Variants in JAKMIP1 observed in about 807,000 individuals in gnomAD.
The protein encoded by JAKMIP1 is janus kinase and microtubule-interacting protein 1.
Under a neutral mutation model 113.0 loss-of-function variants are expected in JAKMIP1, and 33 were observed. That is an observed-to-expected ratio of 0.29 (90% CI 0.22 to 0.39). The LOEUF is 0.39. Ranked by LOEUF, JAKMIP1 falls within the 10% of genes least tolerant of loss-of-function variation. The pLI is 1.00. For synonymous variants in JAKMIP1, 480 were observed against 459.9 expected (o/e 1.04, Z -0.56); for missense variants, 813 against 1,080.5 (o/e 0.75, Z 3.47).
At position 6,042,862 on chromosome 4, in the gene JAKMIP1, G is replaced by C. The variant is rs1714509619; in HGVS notation, c.2029-635C>G. Among the ~76,000 whole-genome samples the C allele has an allele frequency of 6.6e-6, 1 of 152,066 alleles. No individual in the cohort carries two copies. The highest frequency in any genetic ancestry group is 1.5e-5 in the Non-Finnish European group (1 of 68,012). ...GAGCATGAAAGCAGGGTTCATGCCA[G>C]GACATGAGGGCGCAGGCACGGAGAG... On this transcript the variant is annotated intron_variant, in intron 16 of 20. Coordinates refer to ENST00000409021, the MANE Select transcript of JAKMIP1 (RefSeq NM_001099433.2). The surrounding 1 kb of genome is among the most constrained non-coding windows in gnomAD (Gnocchi z 5.2).
In JAKMIP1 at chr4:6,042,555, G is replaced by A. The variant is rs529962516; in HGVS notation, c.2029-328C>T. Among the ~76,000 whole-genome samples the A allele has an allele frequency of 2.6e-5, 4 of 152,186 alleles. No homozygotes were observed. The East Asian group carries it at 5.8e-4, about 22-fold the overall frequency. On this transcript the variant is annotated intron_variant, in intron 16 of 20. Transcript: ENST00000409021. This position sits in a 1 kb window ranked among gnomAD's most constrained non-coding sequence, Gnocchi z 5.2. ...TGTGGTATAGCTGATGTCAATGAGT[G>A]CCTGCTCTGTGCTGATGCTTCACAC...
intron 1 of JAKMIP1, among the ~76,000 whole-genome samples, chr4:6,127,704 C>T (rs1011184018): frequency 5.9e-5 from 9 of 152,340 alleles, no homozygotes; most frequent in African/African-American, 1.9e-4. Context: ...GTGGGATTCC[C>T]TCCTTGATCC....
rs1272092445 is a variant in JAKMIP1, at chr4:6,142,193, A to C, written c.-147-29196T>G. On this transcript the variant is annotated intron_variant, in intron 1 of 20. Coordinates refer to ENST00000409021, the MANE Select transcript of JAKMIP1 (RefSeq NM_001099433.2). This position sits in a 1 kb window ranked among gnomAD's most constrained non-coding sequence, Gnocchi z 5.5. ...TCCTACCTCATTCCATCCTGGATTT[A>C]GGGACACTTTGGTTATTTCTGAGGA... is the stretch of plus-strand genomic sequence containing the variant. Among the ~76,000 whole-genome samples, 7 of 152,206 alleles carry C rather than the reference A, an allele frequency of 4.6e-5. No individual in the cohort carries two copies. The highest frequency in any genetic ancestry group is 2.9e-5 in the Non-Finnish European group (2 of 68,032).
Position 6,040,549 on chromosome 4 carries a change from G to A in JAKMIP1, c.2175+90C>T, listed in dbSNP as rs1323772766. ...TCACTCCTGTTTGGCACTGGGGAGC[G>A]CCCTAAATGCAGTTTCAGCCCCAGA... On this transcript the variant is annotated intron_variant, in intron 18 of 20. Coordinates refer to ENST00000409021, the MANE Select transcript of JAKMIP1 (RefSeq NM_001099433.2). The surrounding 1 kb of genome is among the most constrained non-coding windows in gnomAD (Gnocchi z 5.8). 7.0e-5 allele frequency: 60 copies of A among 855,296 alleles called. No individual in the cohort carries two copies. Among genetic ancestry groups the A allele is most frequent in the South Asian group, 4.9e-4 (35 of 70,744 alleles). 53.0% of individuals were successfully genotyped at this position (855,296 alleles called of 1,614,324 possible).
intron 1 of JAKMIP1, among the ~76,000 whole-genome samples, chr4:6,171,876 C>CA (rs1724773487): frequency 6.6e-6 from 1 of 152,232 alleles, no homozygotes; most frequent in Non-Finnish European, 1.5e-5. Context: ...TAAGTGGGGA[C>CA]AATGCCTGTT....
At chr4:6,027,293 T>C (rs1711981974) in intron 20 of JAKMIP1, among the ~76,000 whole-genome samples, 1 of 152,180 alleles carries the variant, frequency 6.6e-6, no homozygotes. Context: ...ATATTATTTA[T>C]TGGAAAAGTC....
At chr4:6,159,309 A>T (rs889470977) in intron 1 of JAKMIP1, among the ~76,000 whole-genome samples, 5 of 151,888 alleles carry the variant, frequency 3.3e-5, no homozygotes, top group Non-Finnish European at 5.9e-5. Flanking sequence ...ATACTTAAAG[A>T]CTCTGGAGGA....
At chr4:6,113,852 C>A (rs937343756) in intron 1 of JAKMIP1, among the ~76,000 whole-genome samples, 1 of 152,224 alleles carries the variant, frequency 6.6e-6, no homozygotes, top group South Asian at 2.1e-4. Context: ...GCCTGCTCTG[C>A]GCCTGCTGTG....
chr4:6,132,654 A>T (rs78499852), intron 1 of JAKMIP1, among the ~76,000 whole-genome samples: 2 of 151,048 alleles, frequency 1.3e-5, no homozygotes, highest in Non-Finnish European at 2.9e-5. Context: ...AAATAAAAAA[A>T]AAAAAAAAGA....
rs978582505 is a variant in JAKMIP1 at position 6,061,598 on chromosome 4, A to G, written c.1560+714T>C. On this transcript the variant is annotated intron_variant, in intron 10 of 20. Transcript: ENST00000409021. The surrounding 1 kb of genome is among the most constrained non-coding windows in gnomAD (Gnocchi z 5.3). ...CAGCTCTGTTCAGCATCATCTGGGT[A>G]TTTGGGGGCAAGTTGCTCAGTTCTG... Among the ~76,000 whole-genome samples, 1 of 151,138 alleles carries G rather than the reference A, an allele frequency of 6.6e-6. No homozygotes were observed. The highest frequency in any genetic ancestry group is 1.5e-5 in the Non-Finnish European group (1 of 67,814).
At chr4:6,074,695 T>C (rs907940018) in intron 8 of JAKMIP1, among the ~76,000 whole-genome samples, 3 of 152,206 alleles carry the variant, frequency 2.0e-5, no homozygotes, top group Admixed American at 6.5e-5. Context: ...TCGTACCTAA[T>C]ACAGTGCAGA....
intron 11 of JAKMIP1, among the ~76,000 whole-genome samples, chr4:6,060,165 T>A (rs974883374): frequency 3.9e-5 from 6 of 152,236 alleles, no homozygotes; most frequent in African/African-American, 1.4e-4. Context: ...AATTACCTCT[T>A]TTTTGTGCAT....
chr4:6,105,340 A>G, intron 3 of JAKMIP1, 133 bp downstream of exon 3: 1 of 737,704 alleles, frequency 1.4e-6, no homozygotes, highest in South Asian at 1.9e-5. Context: ...CTAAGACGGG[A>G]GGGAGGTTGC....
rs1713815385 is a variant in JAKMIP1 at position 6,105,708 on chromosome 4, G to T, written c.389C>A (p.Thr130Lys). Residue 130 changes from threonine (T) to lysine (K), a missense_variant, in exon 3 of 21, where the codon ACG becomes AAG. By Grantham distance (78) the Thr-to-Lys change is moderately conservative. This residue lies in a region of JAKMIP1 where 540 missense variants were observed against 653.9 expected (regional missense o/e 0.83). Coordinates refer to ENST00000409021, the MANE Select transcript of JAKMIP1 (RefSeq NM_001099433.2). ...LRDGAADKVK[T>K]ALLTEAREEA... ...CTCGCGCGCCTCGGTCAGCAGCGCC[G>T]TCTTGACCTTGTCGGCCGCGCCGTC... is the stretch of plus-strand genomic sequence containing the variant. The T allele has an allele frequency of 1.2e-6, 2 of 1,602,442 alleles. No homozygotes were observed. The highest frequency in any genetic ancestry group is 1.3e-5 in the African/African-American group (1 of 74,804).
At chr4:6,145,911 C>T (rs141063010) in intron 1 of JAKMIP1, among the ~76,000 whole-genome samples, 58 of 152,206 alleles carry the variant, frequency 3.8e-4, no homozygotes, top group Admixed American at 2.0e-3. Context: ...TTAATGTAAC[C>T]ACCTCTTTAC....
intron 9 of JAKMIP1, among the ~76,000 whole-genome samples, chr4:6,063,682 C>T (rs563039338): frequency 4.6e-5 from 7 of 152,180 alleles, no homozygotes; most frequent in Non-Finnish European, 1.0e-4. Flanking sequence ...AATGTGCCAG[C>T]GCCTATAGCA....
intron 5 of JAKMIP1, among the ~76,000 whole-genome samples, 184 bp downstream of exon 5, chr4:6,084,662 C>A (rs1387307814): frequency 1.3e-5 from 2 of 152,134 alleles, no homozygotes; most frequent in African/African-American, 4.8e-5. Flanking sequence ...CCTACAAAAA[C>A]AAATGGCAGT....
intron 19 of JAKMIP1, among the ~76,000 whole-genome samples, chr4:6,030,408 C>A (rs555757343): frequency 2.0e-5 from 3 of 152,302 alleles, no homozygotes; most frequent in South Asian, 2.1e-4. Context: ...ACCCCTCAGT[C>A]CTGGGCAAAC....
In JAKMIP1 at chr4:6,137,931, G is replaced by A. The variant is rs1719490290; in HGVS notation, c.-147-24934C>T. ...GACAAGGTGTGCTCTGGCGTTGGGG[G>A]TCCCACCATGGCCTTCTCCTTCCTG... On this transcript the variant is annotated intron_variant, in intron 1 of 20. Coordinates refer to ENST00000409021, the MANE Select transcript of JAKMIP1 (RefSeq NM_001099433.2). The surrounding 1 kb of genome is among the most constrained non-coding windows in gnomAD (Gnocchi z 4.5). Among the ~76,000 whole-genome samples, 1 of 152,136 alleles carries A rather than the reference G, an allele frequency of 6.6e-6. No individual in the cohort carries two copies.
Sources: gnomAD v4.1 joint callset for allele counts (sites outside exome capture counted in the v4.1 genomes callset) on GRCh38, gnomAD v4.1.1 for gene constraint, gnomAD v4.1.1 regional missense constraint, Gnocchi (gnomAD v3.1) non-coding constraint, MANE v1.5 for transcripts, NCBI Gene and HGNC (gene_info 2026-07-23, HGNC 2026-07-21) for gene names.